Variants in HHAT observed in about 807,000 individuals in gnomAD.
The protein encoded by HHAT is hedgehog acyltransferase.
Under a neutral mutation model 70.8 loss-of-function variants are expected in HHAT, and 47 were observed. The observed-to-expected ratio is 0.66, with a 90% CI of 0.53 to 0.85. HHAT has a LOEUF of 0.85. HHAT is among the 40% of genes least tolerant of loss of function. HHAT has a pLI of 0.00. For missense variants in HHAT, 609 were observed against 604.8 expected (o/e 1.01, Z -0.07); for synonymous variants, 228 against 247.6 (o/e 0.92, Z 0.74).
At chr1:210,413,816 C>T (rs2092637408) in intron 6 of HHAT, among the ~76,000 whole-genome samples, 1 of 152,222 alleles carries the variant, frequency 6.6e-6, no homozygotes, top group Non-Finnish European at 1.5e-5. Context: ...GCTTTCTCTG[C>T]AGCTCTTCTC....
chr1:210,588,684 T>A (rs1661032427), intron 10 of HHAT: 1 of 152,448 alleles, frequency 6.6e-6, no homozygotes, highest in South Asian at 2.1e-4. Context: ...ATTTCCAGGT[T>A]CAAGGTTTTT....
At chr1:210,400,402 T>G in intron 4 of HHAT, 66 bp from the exon 5 acceptor site, 1 of 1,416,846 alleles carries the variant, frequency 7.1e-7, no homozygotes. Flanking sequence ...TGAGCTCACT[T>G]CTGTTTATTT....
intron 9 of HHAT, among the ~76,000 whole-genome samples, chr1:210,540,270 T>C (rs11119537): frequency 0.25 from 38,590 of 152,132 alleles, 5,236 homozygotes; most frequent in Middle Eastern, 0.34. Context: ...CCGCAACAGC[T>C]TTTCTCCCAG....
chr1:210,365,217 C>G (rs1482142815), intron 3 of HHAT, among the ~76,000 whole-genome samples: 1 of 150,886 alleles, frequency 6.6e-6, no homozygotes, highest in Non-Finnish European at 1.5e-5. Context: ...GACTAGAAAT[C>G]ATGACCTTTA....
chr1:210,382,763 G>A lies in HHAT; in HGVS notation c.160-4705G>A, dbSNP rs377027091. ...TTGTGCATGTCACTGGGCTGGCTTT[G>A]TGGTTACGGGGCATAAATGAGGTGC... On this transcript the variant is annotated intron_variant, in intron 3 of 11. Coordinates refer to ENST00000261458, the MANE Select transcript of HHAT (RefSeq NM_018194.6). Among the ~76,000 whole-genome samples, 27 of 152,276 alleles carry A rather than the reference G, an allele frequency of 1.8e-4. No individual in the cohort carries two copies. In the South Asian group the frequency reaches 5.4e-3, roughly 30 times the overall value.
At chr1:210,673,354 T>TAA (rs538594507) in intron 11 of HHAT, among the ~76,000 whole-genome samples, 20 of 147,800 alleles carry the variant, frequency 1.4e-4, no homozygotes, top group Non-Finnish European at 1.9e-4. Flanking sequence ...ACTACAAGTT[T>TAA]AAAAAAAAAA....
chr1:210,574,532 T>C (rs1267553289), intron 9 of HHAT, among the ~76,000 whole-genome samples: 1 of 152,234 alleles, frequency 6.6e-6, no homozygotes, highest in Non-Finnish European at 1.5e-5. Context: ...CACTAAATGC[T>C]TCCTGACAAC....
intron 8 of HHAT, among the ~76,000 whole-genome samples, chr1:210,486,481 C>T (rs183922594): frequency 3.3e-5 from 5 of 152,276 alleles, no homozygotes; most frequent in Admixed American, 6.5e-5. Flanking sequence ...GCTGGGTCCC[C>T]TTTTCAAGTA....
intron 10 of HHAT, among the ~76,000 whole-genome samples, chr1:210,616,232 A>G (rs756753098): frequency 1.6e-4 from 24 of 151,916 alleles, no homozygotes; most frequent in Non-Finnish European, 2.4e-4. Flanking sequence ...AGAATATGAC[A>G]TATTGTTATT....
intron 7 of HHAT, among the ~76,000 whole-genome samples, chr1:210,458,641 G>A (rs1289449182): frequency 2.0e-5 from 3 of 152,166 alleles, no homozygotes; most frequent in African/African-American, 7.2e-5. Context: ...TGAGCAAAGA[G>A]AAAGTGAAGG....
At chr1:210,367,675 C>G (rs1444120178) in intron 3 of HHAT, among the ~76,000 whole-genome samples, 6 of 152,124 alleles carry the variant, frequency 3.9e-5, no homozygotes, top group Admixed American at 2.0e-4. Context: ...GACTGTAGTC[C>G]TCCAGTTTTT....
chr1:210,608,011 A>G (rs1314624605), intron 10 of HHAT, among the ~76,000 whole-genome samples: 4 of 152,196 alleles, frequency 2.6e-5, no homozygotes, highest in Non-Finnish European at 5.9e-5. Flanking sequence ...AGATGATCCT[A>G]TGATAGTATA....
chr1:210,468,811 G>A (rs1434858997), intron 8 of HHAT, among the ~76,000 whole-genome samples: 1 of 152,154 alleles, frequency 6.6e-6, no homozygotes, highest in East Asian at 1.9e-4. Flanking sequence ...GGCTGGAATA[G>A]GGTGAGCATA....
At chr1:210,650,107 A>T (rs1235072244) in intron 11 of HHAT, among the ~76,000 whole-genome samples, 1 of 152,224 alleles carries the variant, frequency 6.6e-6, no homozygotes, top group Non-Finnish European at 1.5e-5. Flanking sequence ...TGGGATATTG[A>T]ACATGACTCG....
intron 2 of HHAT, among the ~76,000 whole-genome samples, chr1:210,359,527 G>A (rs1371999317): frequency 1.3e-5 from 2 of 152,010 alleles, no homozygotes; most frequent in African/African-American, 4.8e-5. Flanking sequence ...CTCCCACTCA[G>A]GAACCAACTC....
chr1:210,377,538 ACT>A (rs1381761449), intron 3 of HHAT, among the ~76,000 whole-genome samples: 3 of 152,082 alleles, frequency 2.0e-5, no homozygotes, highest in Non-Finnish European at 4.4e-5. Flanking sequence ...AACCGAATAG[ACT>A]CTGCAGTCTT....
intron 8 of HHAT, among the ~76,000 whole-genome samples, chr1:210,501,401 C>T (rs2094751467): frequency 6.6e-6 from 1 of 152,182 alleles, no homozygotes; most frequent in Non-Finnish European, 1.5e-5. Context: ...GGAGTTTGGG[C>T]AGGAAAATAG....
chr1:210,584,996 C>G (rs1660117491), intron 9 of HHAT, among the ~76,000 whole-genome samples: 1 of 152,182 alleles, frequency 6.6e-6, no homozygotes, highest in South Asian at 2.1e-4. Context: ...TCAAGATGGT[C>G]CTGTTTTTGC....
At chr1:210,628,356 T>G (rs979308901) in intron 11 of HHAT, among the ~76,000 whole-genome samples, 2 of 152,122 alleles carry the variant, frequency 1.3e-5, no homozygotes, top group Middle Eastern at 3.4e-3. Flanking sequence ...CCAAAACATT[T>G]CCCAAGTGGT....
Sources: allele counts gnomAD v4.1 joint callset (sites outside exome capture counted in the v4.1 genomes callset), GRCh38; gene constraint gnomAD v4.1.1; transcripts MANE v1.5; gene names NCBI Gene and HGNC (gene_info 2026-07-23, HGNC 2026-07-21).